Variants in FAM184B observed in about 807,000 individuals in gnomAD.
FAM184B encodes family with sequence similarity 184 member B, also known as protein FAM184B.
A neutral mutation model predicts 135.9 loss-of-function variants in FAM184B; 111 were observed. The observed-to-expected ratio is 0.82, with a 90% CI of 0.70 to 0.96. The LOEUF is 0.96. Among genes scored for constraint, FAM184B ranks in the 40% least tolerant of loss-of-function variants. FAM184B has a pLI of 0.00. For missense variants in FAM184B, 1,375 were observed against 1,323.9 expected, an observed-to-expected ratio of 1.04 and a Z score of -0.60; for synonymous variants, 552 against 524.8, an observed-to-expected ratio of 1.05 and a Z score of -0.71.
intron 7 of FAM184B, among the ~76,000 whole-genome samples, chr4:17,680,391 C>T (rs987490716): frequency 1.3e-5 from 2 of 152,094 alleles, no homozygotes; most frequent in Admixed American, 1.3e-4. Context: ...GATTTGAACA[C>T]ATGTTCAATG....
intron 2 of FAM184B, 132 bp downstream of exon 2, chr4:17,708,760 T>A: frequency 3.5e-5 from 21 of 608,312 alleles, no homozygotes; most frequent in Non-Finnish European, 4.6e-5. Context: ...TGTAGGTGAA[T>A]TCAATGGAGA....
At chr4:17,738,234 G>C (rs1717952419) in intron 1 of FAM184B, among the ~76,000 whole-genome samples, 1 of 152,082 alleles carries the variant, frequency 6.6e-6, no homozygotes, top group Middle Eastern at 3.4e-3. Context: ...TAGGTCTGAG[G>C]GTTGGAAGGG....
intron 1 of FAM184B, among the ~76,000 whole-genome samples, chr4:17,740,771 C>G (rs1256060139): frequency 6.6e-6 from 1 of 152,178 alleles, no homozygotes; most frequent in Non-Finnish European, 1.5e-5. Flanking sequence ...TCCAGGCCCC[C>G]AAGTGCTTTG....
intron 1 of FAM184B, among the ~76,000 whole-genome samples, chr4:17,730,951 AG>A (rs1295027441): frequency 6.6e-6 from 1 of 152,244 alleles, no homozygotes. Context: ...CAGAAGCCCC[AG>A]GAGCCAATGT....
chr4:17,735,134 A>G (rs1415713662), intron 1 of FAM184B, among the ~76,000 whole-genome samples: 4 of 151,596 alleles, frequency 2.6e-5, no homozygotes, highest in Non-Finnish European at 4.4e-5. Context: ...TAAACAATGA[A>G]AACACATGGA....
chr4:17,761,167 G>A (rs1718537033), intron 1 of FAM184B, among the ~76,000 whole-genome samples: 1 of 152,090 alleles, frequency 6.6e-6, no homozygotes, highest in Non-Finnish European at 1.5e-5. Context: ...CCTAGGCTCT[G>A]TTCTGCTCCT....
At chr4:17,714,123 T>C (rs1002343996) in intron 1 of FAM184B, among the ~76,000 whole-genome samples, 1 of 152,106 alleles carries the variant, frequency 6.6e-6, no homozygotes, top group Non-Finnish European at 1.5e-5. Flanking sequence ...TACAGTTGAG[T>C]ATACAGTAGG....
chr4:17,775,939 C>A (rs1017401496), intron 1 of FAM184B, among the ~76,000 whole-genome samples: 8 of 152,182 alleles, frequency 5.3e-5, no homozygotes, highest in African/African-American at 1.7e-4. Context: ...GTCCAGACTT[C>A]ACTACCACGT....
chr4:17,635,926 A>G (rs1308969826), intron 15 of FAM184B, among the ~76,000 whole-genome samples: 2 of 152,182 alleles, frequency 1.3e-5, no homozygotes, highest in Admixed American at 1.3e-4. Flanking sequence ...TCAACAATAA[A>G]AACACTAATT....
At chr4:17,636,439 G>T in intron 15 of FAM184B, 89 bp downstream of exon 15, 2 of 983,478 alleles carry the variant, frequency 2.0e-6, no homozygotes, top group South Asian at 1.4e-5. Context: ...GGCACCTAGA[G>T]AAATGCTGGG....
At chr4:17,708,764 A>G (rs144239586) in intron 2 of FAM184B, 128 bp downstream of exon 2, 196 of 793,120 alleles carry the variant, frequency 2.5e-4, no homozygotes, top group Non-Finnish European at 2.9e-4. Context: ...GGTGAATTCA[A>G]TGGAGATAAT....
intron 1 of FAM184B, among the ~76,000 whole-genome samples, chr4:17,760,717 C>T (rs552098430): frequency 1.1e-3 from 173 of 152,242 alleles, no homozygotes; most frequent in African/African-American, 3.9e-3. Flanking sequence ...TAAAAGATCT[C>T]GGGGAAAATG....
intron 1 of FAM184B, among the ~76,000 whole-genome samples, chr4:17,758,032 C>G (rs991823035): frequency 1.3e-5 from 2 of 152,168 alleles, no homozygotes; most frequent in African/African-American, 4.8e-5. Context: ...TCCCCAAACT[C>G]AAAGTGCCAA....
At chr4:17,636,702 G>A in intron 14 of FAM184B, 57 bp from the exon 15 acceptor site, 1 of 1,365,950 alleles carries the variant, frequency 7.3e-7, no homozygotes, top group Non-Finnish European at 9.9e-7. Flanking sequence ...CAACAAAGAG[G>A]GAGAACAAGT....
chr4:17,662,505 T>C (rs367587565), intron 8 of FAM184B, among the ~76,000 whole-genome samples: 1 of 152,030 alleles, frequency 6.6e-6, no homozygotes. Context: ...GCCCAGCTAA[T>C]TTTTGTATTT....
At chr4:17,714,817 G>T (rs1313441646) in intron 1 of FAM184B, among the ~76,000 whole-genome samples, 1 of 152,098 alleles carries the variant, frequency 6.6e-6, no homozygotes, top group Non-Finnish European at 1.5e-5. Flanking sequence ...GTACCACATG[G>T]TGGGCTCACA....
At chr4:17,661,761 C>A (rs1202327588) in intron 8 of FAM184B, among the ~76,000 whole-genome samples, 3 of 152,198 alleles carry the variant, frequency 2.0e-5, no homozygotes, top group Non-Finnish European at 2.9e-5. Flanking sequence ...ACTGGAGGAG[C>A]AGCCTCGGTC....
chr4:17,722,991 A>C (rs1348497162), intron 1 of FAM184B, among the ~76,000 whole-genome samples: 1 of 152,252 alleles, frequency 6.6e-6, no homozygotes, highest in Non-Finnish European at 1.5e-5. Flanking sequence ...ACGCAGACAG[A>C]GCAGCTCTTC....
intron 1 of FAM184B, among the ~76,000 whole-genome samples, chr4:17,754,563 A>T (rs1718379134): frequency 6.6e-6 from 1 of 151,102 alleles, no homozygotes. Context: ...GAAAAAAAAA[A>T]AAAAAAAGGT....
Sources: gnomAD v4.1 joint callset for allele counts (sites outside exome capture counted in the v4.1 genomes callset) on GRCh38, gnomAD v4.1.1 for gene constraint, MANE v1.5 for transcripts, NCBI Gene and HGNC (gene_info 2026-07-23, HGNC 2026-07-21) for gene names.